Variants in NR1H3 observed in about 807,000 individuals in gnomAD.
NR1H3 encodes nuclear receptor subfamily 1 group H member 3, also known as oxysterols receptor LXR-alpha.
Under a neutral mutation model 48.1 loss-of-function variants are expected in NR1H3, and 19 were observed. The observed-to-expected ratio is 0.40, with a 90% confidence interval of 0.28 to 0.58. The LOEUF (loss-of-function observed/expected upper bound fraction) is 0.58, where lower values mean the gene tolerates loss of function less well. Ranked by LOEUF, NR1H3 falls within the 20% of genes least tolerant of loss-of-function variation. The pLI is 0.50. For synonymous variants in NR1H3, 232 were observed against 227.3 expected (o/e 1.02, Z -0.19); for missense variants, 486 against 595.9 (o/e 0.82, Z 1.92).
At chr11:47,255,545 CTTTCTTTCTT>C (rs1441260805), upstream of NR1H3, among the ~76,000 whole-genome samples, 8,575 of 99,184 alleles carry the variant, frequency 0.086, 490 homozygotes, top group East Asian at 0.23. Context: ...CTTTCTTTTT[CTTTCTTTCTT>C]TCTTTCTTTC....
chr11:47,254,728 A>G (rs1954933237), upstream of NR1H3, among the ~76,000 whole-genome samples: 1 of 152,140 alleles, frequency 6.6e-6, no homozygotes, highest in Admixed American at 6.6e-5. Flanking sequence ...CTGTCTTCTC[A>G]CACTCTGCTC....
chr11:47,262,523 A>T (rs1169600368), intron 7 of NR1H3, among the ~76,000 whole-genome samples: 3 of 137,196 alleles, frequency 2.2e-5, no homozygotes, highest in Non-Finnish European at 3.2e-5. Context: ...TTTTTGTTTC[A>T]TTTTTTTTTT....
rs149435566 is a variant in NR1H3 at position 47,268,625 on chromosome 11, G to C, written c.1273G>C (p.Val425Leu). The change falls in exon 10 of 10, where the codon GTG becomes CTG. Residue 425 changes from valine (V) to leucine (L), a missense_variant. Val to Leu is a conservative substitution (Grantham distance 32). Coordinates refer to ENST00000441012, the MANE Select transcript of NR1H3 (RefSeq NM_005693.4). Reference protein sequence around the residue: ...RTLSSVHSEQVFALRLQDKKL... With the variant: ...RTLSSVHSEQLFALRLQDKKL... The stretch of plus-strand genomic sequence containing the variant: ...CCTGAGCAGCGTCCACTCAGAGCAA[G>C]TGTTTGCACTGCGTCTGCAGGACAA... 6 of 1,614,212 alleles carry C rather than the reference G, an allele frequency of 3.7e-6. No homozygotes were observed. The African/African-American group carries it at 8.0e-5, about 22-fold the overall frequency.
intron 1 of NR1H3, among the ~76,000 whole-genome samples, chr11:47,252,865 G>A (rs935299768): frequency 6.6e-6 from 1 of 150,922 alleles, no homozygotes. Flanking sequence ...TACTGCGCCC[G>A]GCCCCAGCCG....
At chr11:47,260,074 C>T in intron 3 of NR1H3, 95 bp downstream of exon 3, 1 of 1,139,886 alleles carries the variant, frequency 8.8e-7, no homozygotes, top group South Asian at 1.8e-5. Flanking sequence ...TATATATAAT[C>T]TCATGGTTAA....
intron 1 of NR1H3, among the ~76,000 whole-genome samples, chr11:47,251,142 G>C (rs1436369779): frequency 6.6e-6 from 1 of 152,050 alleles, no homozygotes; most frequent in Non-Finnish European, 1.5e-5. Flanking sequence ...CTGGGCGACA[G>C]AGCAAGACTC....
chr11:47,250,099 AAAC>A (rs1413264812), intron 1 of NR1H3, among the ~76,000 whole-genome samples: 12 of 152,146 alleles, frequency 7.9e-5, no homozygotes, highest in African/African-American at 1.4e-4. Flanking sequence ...GACTGTCTCA[AAAC>A]AACAACAACA....
At chr11:47,260,776 C>G (rs1591119604) in intron 4 of NR1H3, 101 bp downstream of exon 4, 1 of 1,379,730 alleles carries the variant, frequency 7.2e-7, no homozygotes, top group East Asian at 2.5e-5. Flanking sequence ...TAACTGATCC[C>G]TAAGTATGGA....
intron 4 of NR1H3, 100 bp from the exon 5 acceptor site, chr11:47,261,138 AAAC>A: frequency 1.2e-6 from 1 of 817,020 alleles, no homozygotes; most frequent in Non-Finnish European, 1.9e-6. Flanking sequence ...CTGGAGCCCC[AAAC>A]CACCCCCTTT....
chr11:47,248,353 C>G, upstream of NR1H3: 2 of 1,287,732 alleles, frequency 1.6e-6, no homozygotes, highest in African/African-American at 2.9e-5. Context: ...AGCCAAGGTA[C>G]AGGTAGGAAG....
chr11:47,257,524 G>C (rs1591092972), upstream of NR1H3: 2 of 372,866 alleles, frequency 5.4e-6, no homozygotes, highest in East Asian at 1.6e-4. Context: ...GGGGCTAGTG[G>C]GGAGAGCTTC....
At position 47,259,167 on chromosome 11, in the gene NR1H3, G is replaced by T. The variant is rs762104114; in HGVS notation, c.-37-13G>T. 1.3e-5 allele frequency: 21 copies of T among 1,614,080 alleles called. No individual in the cohort carries two copies. The South Asian group carries it at 2.1e-4, about 16-fold the overall frequency. ...CCAGTTCTAGAAGAGTATAATCTGG[G>T]TCCTTCCTGCAGGACAGTGCCTTGG... is the stretch of plus-strand genomic sequence containing the variant. On this transcript the variant is annotated splice_polypyrimidine_tract_variant and intron_variant, in intron 1 of 9. Coordinates refer to ENST00000441012, the MANE Select transcript of NR1H3 (RefSeq NM_005693.4).
upstream of NR1H3, among the ~76,000 whole-genome samples, chr11:47,257,141 C>A (rs565369215): frequency 6.6e-6 from 1 of 152,248 alleles, no homozygotes; most frequent in East Asian, 1.9e-4. Context: ...GAGATGAAAT[C>A]AATAAAATAT....
In NR1H3 at chr11:47,261,421, G is replaced by A. The variant is rs779302187; in HGVS notation, c.680G>A (p.Arg227His). The change falls in exon 5 of 10, where the codon CGC (arginine) becomes CAC (histidine). Residue 227 changes from arginine to histidine, a missense_variant. Transcript: ENST00000441012. ...LVAAQQQCNR[R>H]SFSDRLRVTP... ...GCTGCCCAGCAACAGTGTAACCGGC[G>A]CTCCTTTTCTGACCGGCTTCGAGTC... The A allele has an allele frequency of 1.1e-5, 18 of 1,614,104 alleles. No individual in the cohort carries two copies. Among genetic ancestry groups the A allele is most frequent in the East Asian group, 2.2e-5 (1 of 44,872 alleles).
At position 47,261,432 on chromosome 11, in the gene NR1H3, G is replaced by A. The variant is rs1455890890; in HGVS notation, c.691G>A (p.Asp231Asn). 6.2e-7 allele frequency: 1 copy of A among 1,613,972 alleles called. No homozygotes were observed. Among genetic ancestry groups the A allele is most frequent in the East Asian group, 2.2e-5 (1 of 44,898 alleles). Reference protein sequence around the residue: ...QQQCNRRSFSDRLRVTPWPMA... With the variant: ...QQQCNRRSFSNRLRVTPWPMA... ...ACAGTGTAACCGGCGCTCCTTTTCT[G>A]ACCGGCTTCGAGTCACGGTACTTGA... The change falls in exon 5 of 10, where the codon GAC (aspartate) becomes AAC (asparagine). Residue 231 changes from aspartate (D) to asparagine (N), a missense_variant. Asp to Asn is a conservative substitution (Grantham distance 23, BLOSUM62 1). Coordinates refer to ENST00000441012, the MANE Select transcript of NR1H3 (RefSeq NM_005693.4).
chr11:47,259,095 TAAAAG>T, intron 1 of NR1H3, 80 bp from the exon 2 acceptor site: 6 of 1,588,452 alleles, frequency 3.8e-6, no homozygotes, highest in Non-Finnish European at 5.2e-6. Flanking sequence ...TTGATATTGA[TAAAAG>T]GGAGGATCAG....
chr11:47,255,541 TTTTCTTTCTTTC>T (rs1173009490), upstream of NR1H3, among the ~76,000 whole-genome samples: 23 of 71,560 alleles, frequency 3.2e-4, no homozygotes, highest in African/African-American at 5.4e-4. Flanking sequence ...CTTTCTTTCT[TTTTCTTTCTTTC>T]TTTCTTTCTT....
intron 4 of NR1H3, 37 bp downstream of exon 4, chr11:47,260,712 G>A: frequency 6.4e-7 from 1 of 1,555,332 alleles, no homozygotes; most frequent in Non-Finnish European, 8.6e-7. Context: ...AGAGGCTGAG[G>A]GGAAAGAGGG....
chr11:47,267,514 CTT>C (rs113681661), intron 7 of NR1H3, among the ~76,000 whole-genome samples: 23 of 145,146 alleles, frequency 1.6e-4, no homozygotes, highest in Non-Finnish European at 2.1e-4. Context: ...CCTTGTAGAC[CTT>C]TTTTTTTTTT....
Sources: allele counts gnomAD v4.1 joint callset (sites outside exome capture counted in the v4.1 genomes callset), GRCh38; gene constraint gnomAD v4.1.1; transcripts MANE v1.5; gene names NCBI Gene and HGNC (gene_info 2026-07-23, HGNC 2026-07-21).